The following PRAG1 variants were observed in gnomAD, a reference collection of about 807,000 sequenced individuals.
PRAG1 encodes PEAK1 related, kinase-activating pseudokinase 1.
A neutral mutation model predicts 95.6 loss-of-function variants in PRAG1; 110 were observed. The ratio of observed to expected loss-of-function variants is 1.15; its 90% confidence interval spans 0.99 to 1.35. The LOEUF is 1.35. Among genes scored for constraint, PRAG1 ranks in the 40% most tolerant of loss-of-function variants. The pLI is 0.00. For missense variants in PRAG1, 2,554 were observed against 1,864.7 expected (o/e 1.37, Z -6.81); for synonymous variants, 1,052 against 819.4 (o/e 1.28, Z -4.85).
intron 3 of PRAG1, among the ~76,000 whole-genome samples, chr8:8,347,608 C>A (rs978654388): frequency 4.7e-4 from 71 of 152,226 alleles, no homozygotes; most frequent in African/African-American, 1.6e-3. Flanking sequence ...TTATCATATG[C>A]CTGTGTTACC....
intron 3 of PRAG1, among the ~76,000 whole-genome samples, chr8:8,369,404 G>A (rs972694867): frequency 1.3e-5 from 2 of 152,196 alleles, no homozygotes; most frequent in Non-Finnish European, 2.9e-5. Flanking sequence ...ATGGAGGCCT[G>A]TACAGAGTAC....
rs1165059951 is a variant in PRAG1 at position 8,377,360 on chromosome 8, C to T, written c.1049G>A (p.Gly350Asp). 6.3e-7 allele frequency: 1 copy of T among 1,577,146 alleles called. No individual in the cohort carries two copies. The highest frequency in any genetic ancestry group is 8.6e-7 in the Non-Finnish European group (1 of 1,160,050). ...GLSCGSGSGS[G>D]SGASSPFVPH... Reference sequence around the variant, plus strand: ...GACGAAGGGGCTACTGGCGCCGCTGCCGCTGCCGCTGCCGCTGCCACAAGA... The same window carrying T: ...GACGAAGGGGCTACTGGCGCCGCTGTCGCTGCCGCTGCCGCTGCCACAAGA... The change falls in exon 3 of 6, where the codon GGC (glycine) becomes GAC (aspartate). Residue 350 changes from glycine to aspartate, a missense_variant. Physicochemically the swap from Gly to Asp is moderately conservative, Grantham distance 94. Coordinates refer to ENST00000615670, the MANE Select transcript of PRAG1 (RefSeq NM_001080826.3).
At chr8:8,364,403 G>A (rs1029746053) in intron 3 of PRAG1, among the ~76,000 whole-genome samples, 5 of 152,104 alleles carry the variant, frequency 3.3e-5, no homozygotes, top group African/African-American at 1.2e-4. Flanking sequence ...CACCTTACAT[G>A]TTAATGCCTT....
intron 3 of PRAG1, among the ~76,000 whole-genome samples, chr8:8,369,190 CT>C (rs201548316): frequency 0.052 from 7,360 of 141,216 alleles, 241 homozygotes; most frequent in African/African-American, 0.1. Flanking sequence ...CTCTGGCTTG[CT>C]TTTTTTTTTT....
At chr8:8,362,877 A>G (rs1799886429) in intron 3 of PRAG1, among the ~76,000 whole-genome samples, 1 of 152,182 alleles carries the variant, frequency 6.6e-6, no homozygotes, top group Non-Finnish European at 1.5e-5. Context: ...CTAAATAGGT[A>G]AAGACTGTGC....
chr8:8,359,349 A>C, intron 3 of PRAG1, among the ~76,000 whole-genome samples: 1 of 152,234 alleles, frequency 6.6e-6, no homozygotes, highest in East Asian at 1.9e-4. Flanking sequence ...TCCCAGATGC[A>C]TGGTATAATA....
chr8:8,359,905 T>G lies in PRAG1; in HGVS notation c.2162+16342A>C, dbSNP rs189313662. 6.6e-5 allele frequency among the ~76,000 whole-genome samples: 10 copies of G among 152,314 alleles called. 1 individual carries two copies. The highest frequency in any genetic ancestry group is 6.5e-4 in the Admixed American group (10 of 15,306). ...TTCCTGCTTCAGGAATTAATAAAAA[T>G]TGTATACAAGTCGATTGATCTTGAT... On this transcript the variant is annotated intron_variant, in intron 3 of 5. Coordinates refer to ENST00000615670, the MANE Select transcript of PRAG1 (RefSeq NM_001080826.3).
rs755910907 is a variant in PRAG1 at position 8,377,341 on chromosome 8, G to C, written c.1068C>G (p.Pro356=). The change falls in exon 3 of 6, where the codon CCC becomes CCG. Residue 356 remains proline, a synonymous_variant. Coordinates refer to ENST00000615670, the MANE Select transcript of PRAG1 (RefSeq NM_001080826.3). ...GSGSGSGASS[P]FVPHLESDYC... is the part of the protein sequence containing the mutation. ...AATCACTCTCGAGGTGGGGGACGAA[G>C]GGGCTACTGGCGCCGCTGCCGCTGC... is the stretch of plus-strand genomic sequence containing the variant. 8 of 1,595,806 alleles carry C rather than the reference G, an allele frequency of 5.0e-6. No homozygotes were observed. The highest frequency in any genetic ancestry group is 4.3e-6 in the Non-Finnish European group (5 of 1,172,312).
intron 3 of PRAG1, among the ~76,000 whole-genome samples, chr8:8,340,730 C>T (rs755774857): frequency 6.6e-6 from 1 of 152,214 alleles, no homozygotes; most frequent in Admixed American, 6.5e-5. Flanking sequence ...TGTGTATCAA[C>T]AGGAGGGTTT....
intron 3 of PRAG1, among the ~76,000 whole-genome samples, chr8:8,370,999 G>A (rs924619514): frequency 6.6e-6 from 1 of 151,922 alleles, no homozygotes; most frequent in Non-Finnish European, 1.5e-5. Context: ...TTAGCCATGC[G>A]TGGTGGCGCA....
At chr8:8,342,793 A>C (rs1799215469) in intron 3 of PRAG1, among the ~76,000 whole-genome samples, 1 of 152,204 alleles carries the variant, frequency 6.6e-6, no homozygotes, top group South Asian at 2.1e-4. Flanking sequence ...ACACCCATTA[A>C]ATTTTAAATT....
intron 4 of PRAG1, among the ~76,000 whole-genome samples, chr8:8,331,524 C>G (rs984296514): frequency 6.6e-6 from 1 of 152,200 alleles, no homozygotes; most frequent in Non-Finnish European, 1.5e-5. Context: ...AAAGCTGCCC[C>G]TGAAATCAAA....
chr8:8,318,918 G>C lies in PRAG1; in HGVS notation c.3457C>G (p.Leu1153Val). The C allele has an allele frequency of 6.2e-7, 1 of 1,609,108 alleles. No homozygotes were observed. The highest frequency in any genetic ancestry group is 8.5e-7 in the Non-Finnish European group (1 of 1,178,200). The change falls in exon 6 of 6, where the codon CTG (leucine) becomes GTG (valine). Residue 1153 changes from leucine to valine, a missense_variant. Physicochemically the swap from Leu to Val is conservative, Grantham distance 32. Coordinates refer to ENST00000615670, the MANE Select transcript of PRAG1 (RefSeq NM_001080826.3). This position sits in a 1 kb window ranked among gnomAD's most constrained non-coding sequence, Gnocchi z 4.2. The stretch of plus-strand genomic sequence containing the variant: ...CCGGCCTGGAGGGTGCAGTGCACCA[G>C]CAGCAGGTTCTCCAGGCACAGGTCC... ...HRDLCLENLLLVHCTLQAGPG... is the reference protein window; with the variant it reads ...HRDLCLENLLVVHCTLQAGPG...
Position 8,377,007 on chromosome 8 carries a change from G to T in PRAG1, c.1402C>A (p.Pro468Thr), listed in dbSNP as rs761674156. 4 of 1,613,782 alleles carry T rather than the reference G, an allele frequency of 2.5e-6. No individual in the cohort carries two copies. The African/African-American group carries it at 4.0e-5, about 16-fold the overall frequency. The change falls in exon 3 of 6, where the codon CCC becomes ACC. Residue 468 changes from proline to threonine, a missense_variant. Pro to Thr is a conservative substitution (Grantham distance 38). Transcript: ENST00000615670. ...GWGRDSPDPT[P>T]QVSATITVMA... is the part of the protein sequence containing the mutation. ...ACTGTGATGGTGGCTGACACCTGGG[G>T]AGTTGGGTCTGGGCTGTCCCGGCCC... is the stretch of plus-strand genomic sequence containing the variant.
At chr8:8,372,502 G>C (rs913241061) in intron 3 of PRAG1, among the ~76,000 whole-genome samples, 2 of 152,200 alleles carry the variant, frequency 1.3e-5, no homozygotes, top group African/African-American at 4.8e-5. Flanking sequence ...GTGACTTTGT[G>C]GGTATAAAAG....
At chr8:8,320,178 T>C (rs111948672) in intron 5 of PRAG1, among the ~76,000 whole-genome samples, 3,640 of 152,264 alleles carry the variant, frequency 0.024, 82 homozygotes, top group Middle Eastern at 0.071. Flanking sequence ...AAATAGTGTT[T>C]ATAAGAAAGC....
chr8:8,339,912 T>C (rs1799112316), intron 3 of PRAG1, among the ~76,000 whole-genome samples: 1 of 152,230 alleles, frequency 6.6e-6, no homozygotes, highest in African/African-American at 2.4e-5. Context: ...TGCCTTCATA[T>C]TCTGACCCCA....
At chr8:8,369,697 A>ACT (rs1800128408) in intron 3 of PRAG1, among the ~76,000 whole-genome samples, 1 of 126,388 alleles carries the variant, frequency 7.9e-6, no homozygotes, top group Non-Finnish European at 1.6e-5. Context: ...TAAAAAATAA[A>ACT]CTTTTTTTTT....
At chr8:8,370,200 G>C (rs890374348) in intron 3 of PRAG1, among the ~76,000 whole-genome samples, 1 of 152,168 alleles carries the variant, frequency 6.6e-6, no homozygotes, top group African/African-American at 2.4e-5. Flanking sequence ...AATTTCAATG[G>C]TCCCTGCTTA....
Sources: allele counts gnomAD v4.1 joint callset (sites outside exome capture counted in the v4.1 genomes callset), GRCh38; gene constraint gnomAD v4.1.1; non-coding constraint Gnocchi (gnomAD v3.1); transcripts MANE v1.5; gene names NCBI Gene and HGNC (gene_info 2026-07-23, HGNC 2026-07-21).